Variants in ANK3 observed in about 807,000 individuals in gnomAD.
The protein encoded by ANK3 is ankyrin-3.
Under a neutral mutation model 370.9 loss-of-function variants are expected in ANK3, and 57 were observed. The ratio of observed to expected loss-of-function variants is 0.15; its 90% CI spans 0.12 to 0.19. The LOEUF (loss-of-function observed/expected upper bound fraction) is 0.19, where lower values mean the gene tolerates loss of function less well. Ranked by LOEUF, ANK3 falls within the 10% of genes least tolerant of loss-of-function variation. The probability of loss-of-function intolerance (pLI) is 1.00; values close to 1 mark genes in which losing one functional copy is unlikely to be tolerated. For missense variants in ANK3, 4,439 were observed against 5,302.1 expected (o/e 0.84, Z 5.06); for synonymous variants, 1,929 against 1,946.3 (o/e 0.99, Z 0.23).
chr10:60,217,927 C>T (rs899713215), intron 8 of ANK3, among the ~76,000 whole-genome samples: 1 of 152,108 alleles, frequency 6.6e-6, no homozygotes, highest in Non-Finnish European at 1.5e-5. Context: ...TTTTATGAAT[C>T]TGAGCGATCT....
Position 60,471,434 on chromosome 10 carries a change from A to T in ANK3, c.96+143752T>A, listed in dbSNP as rs117891948. On this transcript the variant is annotated intron_variant, in intron 2 of 43. Coordinates refer to the ANK3 transcript ENST00000373827. ...TACAGTATACTGGTCTATGCTGAAG[A>T]TCTTCCCATGCAGATATATTTACAC... Among the ~76,000 whole-genome samples the T allele has an allele frequency of 8.7e-4, 132 of 152,268 alleles. 2 individuals carry two copies. In the East Asian group the frequency reaches 0.023, roughly 27 times the overall value.
intron 12 of ANK3, 64 bp from the exon 13 acceptor site, chr10:60,200,291 G>T (rs1262500384): frequency 1.1e-5 from 15 of 1,305,954 alleles, no homozygotes; most frequent in Non-Finnish European, 1.7e-5. Context: ...ATTTTATTTG[G>T]CATAAAGCTT....
intron 2 of ANK3, among the ~76,000 whole-genome samples, chr10:60,471,719 A>C (rs1032660906): frequency 6.6e-6 from 1 of 152,128 alleles, no homozygotes; most frequent in Non-Finnish European, 1.5e-5. Context: ...ATAAGAAATT[A>C]ATAATTTTTT....
intron 2 of ANK3, among the ~76,000 whole-genome samples, chr10:60,498,187 C>T (rs958751145): frequency 2.0e-5 from 3 of 152,178 alleles, no homozygotes; most frequent in African/African-American, 7.2e-5. Context: ...ATTAGAACAA[C>T]TGTTCTTCAC....
chr10:60,486,903 A>C (rs1195561143), intron 2 of ANK3, among the ~76,000 whole-genome samples: 1 of 152,198 alleles, frequency 6.6e-6, no homozygotes, highest in Non-Finnish European at 1.5e-5. Context: ...TAATTCTTAA[A>C]AGTTATATGC....
intron 28 of ANK3, among the ~76,000 whole-genome samples, chr10:60,095,795 T>A (rs947483084): frequency 6.6e-6 from 1 of 152,272 alleles, no homozygotes. Context: ...AATTACTGTT[T>A]ACTTAATGAA....
In ANK3 at chr10:60,072,144, G is replaced by C; in HGVS notation, c.8737C>G (p.Leu2913Val). ...RERKLLTNGSLSEIKEMTVKS... is the reference protein window; with the variant it reads ...RERKLLTNGSVSEIKEMTVKS... The stretch of plus-strand genomic sequence containing the variant: ...ACAGTCATTTCTTTAATTTCTGAGA[G>C]AGAGCCGTTTGTTAACAATTTGCGT... The change falls in exon 37 of 44, where the codon CTC (leucine) becomes GTC (valine). Residue 2913 changes from leucine to valine, a missense_variant. By Grantham distance (32) the Leu-to-Val change is conservative. Coordinates refer to ENST00000280772, the MANE Select transcript of ANK3 (RefSeq NM_020987.5). 6.2e-7 allele frequency: 1 copy of C among 1,613,862 alleles called. No homozygotes were observed. Among genetic ancestry groups the C allele is most frequent in the Non-Finnish European group, 8.5e-7 (1 of 1,179,982 alleles).
At chr10:60,724,968 A>G (rs913471450) in intron 1 of ANK3, among the ~76,000 whole-genome samples, 1 of 152,158 alleles carries the variant, frequency 6.6e-6, no homozygotes, top group Admixed American at 6.5e-5. Flanking sequence ...GCACATTATC[A>G]TTATTTTCTT....
In ANK3 at chr10:60,146,042, A is replaced by G. The variant is rs1351548096; in HGVS notation, c.2615-6955T>C. On this transcript the variant is annotated intron_variant, in intron 23 of 43. Coordinates refer to ENST00000280772, the MANE Select transcript of ANK3 (RefSeq NM_020987.5). ...ATTACCTATTCAAAAAATGAATAAAATTAACAAAATAAAACAAAACAAAAT... is the reference window on the plus strand; with the variant it reads ...ATTACCTATTCAAAAAATGAATAAAGTTAACAAAATAAAACAAAACAAAAT... 14 of 1,500,312 alleles carry G rather than the reference A, an allele frequency of 9.3e-6. No individual in the cohort carries two copies. The South Asian group carries it at 1.6e-4, about 17-fold the overall frequency. 92.9% of individuals were successfully genotyped at this position (1,500,312 alleles called of 1,614,324 possible).
intron 2 of ANK3, among the ~76,000 whole-genome samples, chr10:60,476,669 T>C (rs550191662): frequency 1.3e-5 from 2 of 152,172 alleles, no homozygotes; most frequent in Non-Finnish European, 2.9e-5. Context: ...GTCAAAATTC[T>C]GGATATAAAT....
At chr10:60,109,195 T>C (rs1373957855) in intron 26 of ANK3, 141 bp from the exon 27 acceptor site, 1 of 675,974 alleles carries the variant, frequency 1.5e-6, no homozygotes, top group African/African-American at 1.8e-5. Context: ...CAGAAGTCAA[T>C]ACAGTGGAGT....
At position 60,076,280 on chromosome 10, in the gene ANK3, G is replaced by A. The variant is rs187577622; in HGVS notation, c.4601C>T (p.Ala1534Val). 2.3e-5 allele frequency: 37 copies of A among 1,614,146 alleles called. No individual in the cohort carries two copies. The highest frequency in any genetic ancestry group is 3.1e-5 in the Non-Finnish European group (37 of 1,179,976). The change falls in exon 37 of 44, where the codon GCT becomes GTT. Residue 1534 changes from alanine (A) to valine (V), a missense_variant. Ala to Val is a moderately conservative substitution (Grantham distance 64). Coordinates refer to ENST00000280772, the MANE Select transcript of ANK3 (RefSeq NM_020987.5). ...LSSSSSNTPSASPLKSIWSVS... is the reference protein window; with the variant it reads ...LSSSSSNTPSVSPLKSIWSVS... ...AGACCATATTGATTTTAACGGAGAA[G>A]CTGATGGCGTATTAGAGGAAGAACT...
intron 1 of ANK3, among the ~76,000 whole-genome samples, chr10:60,308,954 C>T (rs967157974): frequency 2.0e-5 from 3 of 152,166 alleles, no homozygotes; most frequent in African/African-American, 7.2e-5. Context: ...TCACATTTCC[C>T]TCAAAATCTT....
chr10:60,219,637 G>A (rs2097006625), intron 8 of ANK3, among the ~76,000 whole-genome samples: 1 of 152,128 alleles, frequency 6.6e-6, no homozygotes, highest in African/African-American at 2.4e-5. Context: ...CAATCCCGCT[G>A]GAGAAGTTTT....
intron 2 of ANK3, among the ~76,000 whole-genome samples, chr10:60,464,376 C>T (rs1232506390): frequency 6.6e-6 from 1 of 151,722 alleles, no homozygotes; most frequent in Non-Finnish European, 1.5e-5. Context: ...AATATTTTTT[C>T]TGAAAACAAG....
At chr10:60,316,364 TA>T (rs1402252722) in intron 1 of ANK3, among the ~76,000 whole-genome samples, 2 of 152,168 alleles carry the variant, frequency 1.3e-5, no homozygotes, top group African/African-American at 4.8e-5. Flanking sequence ...AAAGTCAGGT[TA>T]GGGGCTGACA....
chr10:60,306,601 C>T (rs1055077842), intron 1 of ANK3, among the ~76,000 whole-genome samples: 6 of 152,064 alleles, frequency 3.9e-5, no homozygotes, highest in Middle Eastern at 3.4e-3. Flanking sequence ...GTAGTGGGAT[C>T]GTTGGATTGA....
intron 2 of ANK3, among the ~76,000 whole-genome samples, chr10:60,535,455 C>T (rs1473986488): frequency 6.6e-6 from 1 of 152,018 alleles, no homozygotes; most frequent in Non-Finnish European, 1.5e-5. Context: ...TCGTTATTTT[C>T]CCTTTGAATA....
chr10:60,656,355 T>A (rs1474370280), intron 1 of ANK3, among the ~76,000 whole-genome samples: 1 of 152,174 alleles, frequency 6.6e-6, no homozygotes, highest in Non-Finnish European at 1.5e-5. Flanking sequence ...CTTGTTATTC[T>A]CTCTTTATTT....
Sources: gnomAD v4.1 joint callset for allele counts (sites outside exome capture counted in the v4.1 genomes callset) on GRCh38, gnomAD v4.1.1 for gene constraint, MANE v1.5 for transcripts, NCBI Gene and HGNC (gene_info 2026-07-23, HGNC 2026-07-21) for gene names.